The following TXNL4B variants were observed in gnomAD, a reference collection of about 807,000 sequenced individuals.
TXNL4B encodes thioredoxin like 4B.
TXNL4B carries 12 observed loss-of-function variants against 13.0 expected under a neutral mutation model. The observed-to-expected ratio is 0.92, with a 90% CI of 0.59 to 1.49. The LOEUF is 1.49. Ranked by LOEUF, TXNL4B falls within the 40% of genes most tolerant of loss-of-function variation. The pLI, the probability that TXNL4B is intolerant of heterozygous loss-of-function variation, is 0.00. For missense variants in TXNL4B, 214 were observed against 173.6 expected, an observed-to-expected ratio of 1.23 and a Z score of -1.31; for synonymous variants, 59 against 58.9, an observed-to-expected ratio of 1.00 and a Z score of -0.01.
In TXNL4B at chr16:72,086,675, T is replaced by G; in HGVS notation, c.412A>C (p.Asn138His). The stretch of plus-strand genomic sequence containing the variant: ...TAGAGAAGGTCATATTTGGGAATAT[T>G]CTTGGGATCAATAGGACTTTGGACA... ...LIVQSPIDPK[N>H]IPKYDLLYQD... The change falls in exon 4 of 4, where the codon AAT becomes CAT. Residue 138 changes from asparagine to histidine, a missense_variant. Coordinates refer to ENST00000268483, the MANE Select transcript of TXNL4B (RefSeq NM_017853.3). 1 of 1,613,952 alleles carries G rather than the reference T, an allele frequency of 6.2e-7. No individual in the cohort carries two copies. The highest frequency in any genetic ancestry group is 1.7e-5 in the Admixed American group (1 of 60,026).
At chr16:72,087,110 A>G (rs1448927385) in intron 3 of TXNL4B, among the ~76,000 whole-genome samples, 2 of 152,302 alleles carry the variant, frequency 1.3e-5, no homozygotes, top group East Asian at 3.9e-4. Flanking sequence ...CAAGTGTTGG[A>G]GTGCACATTG....
chr16:72,086,541 A>C lies in TXNL4B; in HGVS notation c.*96T>G. On this transcript the variant is annotated 3_prime_UTR_variant, in exon 4 of 4. Transcript: ENST00000268483. The stretch of plus-strand genomic sequence containing the variant: ...AGTCAAACCTCTTCTCCTCTGGGAC[A>C]CATGTTTCCAAAGGACTCCAGAAAC... 1 of 1,198,692 alleles carries C rather than the reference A, an allele frequency of 8.3e-7. No homozygotes were observed. Among genetic ancestry groups the C allele is most frequent in the Non-Finnish European group, 1.2e-6 (1 of 844,932 alleles). The allele number at this position is 1,198,692 out of a possible 1,614,324, so 74.3% of individuals were successfully genotyped here.
chr16:72,089,175 G>A (rs373706657), intron 2 of TXNL4B, 37 bp from the exon 3 acceptor site: 5 of 1,565,518 alleles, frequency 3.2e-6, no homozygotes, highest in Admixed American at 1.8e-5. Context: ...TACAATATGA[G>A]AGGCAGCTTA....
chr16:72,093,210 G>A (rs1363721755), intron 1 of TXNL4B, among the ~76,000 whole-genome samples, 157 bp downstream of exon 1: 1 of 152,240 alleles, frequency 6.6e-6, no homozygotes, highest in East Asian at 1.9e-4. Flanking sequence ...AAAAACAACT[G>A]GAAATCAGTG....
At chr16:72,093,179 T>C (rs3764314) in intron 1 of TXNL4B, among the ~76,000 whole-genome samples, 188 bp downstream of exon 1, 76,250 of 152,138 alleles carry the variant, frequency 0.5, 21,037 homozygotes, top group African/African-American at 0.74. Flanking sequence ...TTGTACAGAA[T>C]CTTACTACAA....
chr16:72,089,102 C>A lies in TXNL4B; in HGVS notation c.169G>T (p.Ala57Ser), dbSNP rs543786147. Residue 57 changes from alanine (A) to serine (S), a missense_variant, in exon 3 of 4, where the codon GCT (alanine) becomes TCT (serine). Physicochemically the swap from Ala to Ser is moderately conservative, Grantham distance 99. Coordinates refer to ENST00000268483, the MANE Select transcript of TXNL4B (RefSeq NM_017853.3). The stretch of plus-strand genomic sequence containing the variant: ...TGGTCCACATCTACCAGGTATATAG[C>A]AGCCATTTTACTTAAGTCAGAAGAG... Reference protein sequence around the residue: ...KTSSDLSKMAAIYLVDVDQTA... With the variant: ...KTSSDLSKMASIYLVDVDQTA... 5.0e-6 allele frequency: 8 copies of A among 1,612,512 alleles called. No homozygotes were observed. The highest frequency in any genetic ancestry group is 2.7e-5 in the African/African-American group (2 of 75,020).
intron 2 of TXNL4B, 22 bp downstream of exon 2, chr16:72,090,596 A>C (rs2303285): frequency 0.43 from 687,691 of 1,610,034 alleles, 152,888 homozygotes; most frequent in African/African-American, 0.75. Flanking sequence ...ATAAAAACCA[A>C]TTATTTTAGA....
At chr16:72,091,529 C>T (rs193285755) in intron 1 of TXNL4B, among the ~76,000 whole-genome samples, 1 of 152,360 alleles carries the variant, frequency 6.6e-6, no homozygotes, top group East Asian at 1.9e-4. Flanking sequence ...TCAGCACACA[C>T]ACTTTATCTA....
chr16:72,086,513 G>T lies in TXNL4B; in HGVS notation c.*124C>A. Reference sequence around the variant, plus strand: ...TCCTCAGGGGCCGGGTTTTCTACACGCAAGTCAAACCTCTTCTCCTCTGGG... The same window carrying T: ...TCCTCAGGGGCCGGGTTTTCTACACTCAAGTCAAACCTCTTCTCCTCTGGG... On this transcript the variant is annotated 3_prime_UTR_variant, in exon 4 of 4. Coordinates refer to ENST00000268483, the MANE Select transcript of TXNL4B (RefSeq NM_017853.3). The T allele has an allele frequency of 1.1e-6, 1 of 869,614 alleles. No homozygotes were observed. The highest frequency in any genetic ancestry group is 1.7e-6 in the Non-Finnish European group (1 of 593,192). The allele number at this position is 869,614 out of a possible 1,614,324, so 53.9% of individuals were successfully genotyped here.
At position 72,086,453 on chromosome 16, in the gene TXNL4B, G is replaced by A. The variant is rs1170527048; in HGVS notation, c.*184C>T. 2.0e-6 allele frequency: 1 copy of A among 505,522 alleles called. No homozygotes were observed. The highest frequency in any genetic ancestry group is 3.5e-6 in the Non-Finnish European group (1 of 284,058). 31.3% of individuals were successfully genotyped at this position (505,522 alleles called of 1,614,324 possible). On this transcript the variant is annotated 3_prime_UTR_variant, in exon 4 of 4. Transcript: ENST00000268483. The stretch of plus-strand genomic sequence containing the variant: ...AGGCTTGCAGGGAGTAGACAGTTAG[G>A]CATCCCAGGTCATCAGAGAACCAGT...
Position 72,086,633 on chromosome 16 carries a change from T to G in TXNL4B, c.*4A>C, listed in dbSNP as rs760800584. 1 of 1,608,326 alleles carries G rather than the reference T, an allele frequency of 6.2e-7. No homozygotes were observed. The highest frequency in any genetic ancestry group is 8.5e-7 in the Non-Finnish European group (1 of 1,175,404). ...CTTCTTCATCTTTGACAGCAATTAA[T>G]GTACTAAATGTCTTGATAGAGAAGG... is the stretch of plus-strand genomic sequence containing the variant. On this transcript the variant is annotated 3_prime_UTR_variant, in exon 4 of 4. Transcript: ENST00000268483.
At chr16:72,090,583 T>C in intron 2 of TXNL4B, 35 bp downstream of exon 2, 1 of 1,609,296 alleles carries the variant, frequency 6.2e-7, no homozygotes, top group Non-Finnish European at 8.5e-7. Context: ...ATACAGATTA[T>C]TAATAAAAAC....
chr16:72,090,836 C>A, intron 1 of TXNL4B, 50 bp from the exon 2 acceptor site: 1 of 1,487,136 alleles, frequency 6.7e-7, no homozygotes, highest in South Asian at 1.2e-5. Context: ...AGTGCGTGAG[C>A]CCTCATTAAA....
rs1036464542 is a variant in TXNL4B at position 72,086,179 on chromosome 16, G to C, written c.*458C>G. The C allele has an allele frequency of 6.5e-6, 1 of 152,718 alleles. No homozygotes were observed. The highest frequency in any genetic ancestry group is 1.5e-5 in the Non-Finnish European group (1 of 68,584). The allele number at this position is 152,718 out of a possible 1,614,324, so 9.5% of individuals were successfully genotyped here. A position where few individuals can be genotyped will look rare whatever the true frequency, so the allele number is the denominator to read the frequency against. On this transcript the variant is annotated 3_prime_UTR_variant, in exon 4 of 4. Transcript: ENST00000268483. ...TGTATGAGTCGAGGAACCGGCAAAG[G>C]GGTGTGGGGGTGTGTGTGTGTGTGT...
Position 72,086,439 on chromosome 16 carries a change from G to C in TXNL4B, c.*198C>G. ...ACTTGGCTGCTCTGAGGCTTGCAGG[G>C]AGTAGACAGTTAGGCATCCCAGGTC... On this transcript the variant is annotated 3_prime_UTR_variant, in exon 4 of 4. Transcript: ENST00000268483. The C allele has an allele frequency of 2.1e-6, 1 of 481,654 alleles. No homozygotes were observed. The highest frequency in any genetic ancestry group is 3.5e-5 in the Admixed American group (1 of 28,488). 29.8% of individuals were successfully genotyped at this position (481,654 alleles called of 1,614,324 possible). A position where few individuals can be genotyped will look rare whatever the true frequency, so the allele number is the denominator to read the frequency against.
intron 2 of TXNL4B, chr16:72,090,066 G>C (rs964157140): frequency 2.2e-6 from 1 of 455,820 alleles, no homozygotes; most frequent in Admixed American, 2.4e-5. Context: ...ACGGAAATGA[G>C]GATTTGTACG....
intron 3 of TXNL4B, among the ~76,000 whole-genome samples, chr16:72,087,653 GTTTTTT>G (rs11351939): frequency 6.7e-6 from 1 of 150,056 alleles, no homozygotes; most frequent in African/African-American, 2.4e-5. Flanking sequence ...ATACTTTTGT[GTTTTTT>G]TTTTGTTGTT....
At chr16:72,092,096 AT>A (rs796909779) in intron 1 of TXNL4B, among the ~76,000 whole-genome samples, 5 of 151,888 alleles carry the variant, frequency 3.3e-5, no homozygotes, top group South Asian at 2.1e-4. Flanking sequence ...TTCTTTTCCT[AT>A]TTTTTTTGTC....
intron 2 of TXNL4B, among the ~76,000 whole-genome samples, chr16:72,090,351 T>C (rs912799736): frequency 1.3e-5 from 2 of 152,194 alleles, no homozygotes; most frequent in Admixed American, 1.3e-4. Context: ...TGTTCACAGA[T>C]GCTTGTTAAT....
Sources: gnomAD v4.1 joint callset for allele counts (sites outside exome capture counted in the v4.1 genomes callset) on GRCh38, gnomAD v4.1.1 for gene constraint, MANE v1.5 for transcripts, NCBI Gene and HGNC (gene_info 2026-07-23, HGNC 2026-07-21) for gene names.